GRXCR2: variants seen among roughly 807,000 people sequenced by gnomAD.
GRXCR2 encodes the protein glutaredoxin domain-containing cysteine-rich protein 2.
GRXCR2 carries 23 observed loss-of-function variants against 24.8 expected under a neutral mutation model. The ratio of observed to expected loss-of-function variants is 0.93; its 90% CI spans 0.67 to 1.32. The LOEUF (loss-of-function observed/expected upper bound fraction) is 1.32, where lower values mean the gene tolerates loss of function less well. Among genes scored for constraint, GRXCR2 ranks in the 40% most tolerant of loss-of-function variants. The pLI is 0.00. For missense variants in GRXCR2, 315 were observed against 303.4 expected (o/e 1.04, Z -0.28); for synonymous variants, 130 against 116.1 (o/e 1.12, Z -0.77).
intron 2 of GRXCR2, among the ~76,000 whole-genome samples, chr5:145,887,792 G>A (rs1756798187): frequency 6.6e-6 from 1 of 152,122 alleles, no homozygotes; most frequent in Non-Finnish European, 1.5e-5. Context: ...CCACCATTTT[G>A]TAAAAGTATT....
intron 2 of GRXCR2, among the ~76,000 whole-genome samples, chr5:145,910,729 T>C (rs1221269981): frequency 1.3e-5 from 2 of 152,184 alleles, no homozygotes; most frequent in Non-Finnish European, 2.9e-5. Context: ...GTAAGTGCTA[T>C]GAAGAAAACT....
chr5:145,862,086 G>A (rs555906245), intron 2 of GRXCR2, among the ~76,000 whole-genome samples: 80 of 152,240 alleles, frequency 5.3e-4, no homozygotes, highest in African/African-American at 1.9e-3. Context: ...AAGTTGCCAC[G>A]ATTCATTTCC....
intron 2 of GRXCR2, among the ~76,000 whole-genome samples, chr5:145,913,756 C>G (rs1757197218): frequency 6.6e-6 from 1 of 152,046 alleles, no homozygotes; most frequent in Admixed American, 6.5e-5. Context: ...CTCCTGGGCT[C>G]AAGTGATCCG....
upstream of GRXCR2, chr5:145,873,089 G>T: frequency 4.0e-6 from 3 of 755,602 alleles, no homozygotes; most frequent in Non-Finnish European, 4.3e-6. Flanking sequence ...TTGTTGCTGG[G>T]GTATGGTCAG....
At chr5:145,930,436 T>C (rs569599422) in intron 2 of GRXCR2, among the ~76,000 whole-genome samples, 1 of 152,328 alleles carries the variant, frequency 6.6e-6, no homozygotes, top group African/African-American at 2.4e-5. Flanking sequence ...CAATAGCATT[T>C]AACTGGGATT....
intron 2 of GRXCR2, among the ~76,000 whole-genome samples, chr5:145,926,259 T>C (rs73310117): frequency 0.014 from 2,089 of 152,262 alleles, 61 homozygotes; most frequent in African/African-American, 0.048. Flanking sequence ...ATGGCTATCT[T>C]ATCAACTGTA....
chr5:145,918,523 G>A (rs1003456627), intron 2 of GRXCR2, among the ~76,000 whole-genome samples: 5 of 152,218 alleles, frequency 3.3e-5, no homozygotes, highest in African/African-American at 4.8e-5. Flanking sequence ...ACTCACAGCA[G>A]AGACTGCCCA....
At chr5:145,911,644 T>A (rs1232243575) in intron 2 of GRXCR2, among the ~76,000 whole-genome samples, 1 of 152,154 alleles carries the variant, frequency 6.6e-6, no homozygotes. Context: ...TTGGTCAAAG[T>A]CCATTTCTGA....
In GRXCR2 at chr5:145,872,757, G is replaced by C. The variant is rs778357933; in HGVS notation, c.212C>G (p.Pro71Arg). 7 of 1,613,906 alleles carry C rather than the reference G, an allele frequency of 4.3e-6. No individual in the cohort carries two copies. The African/African-American group carries it at 8.0e-5, about 18-fold the overall frequency. Residue 71 changes from proline (P) to arginine (R), a missense_variant, in exon 1 of 3, where the codon CCC (proline) becomes CGC (arginine). Pro to Arg is a moderately radical substitution (Grantham distance 103). Transcript: ENST00000377976. Reference protein sequence around the residue: ...MDGVYGSGEVPRPQMCSPKLT... With the variant: ...MDGVYGSGEVRRPQMCSPKLT... ...CTTAGGGGAGCACATCTGGGGCCTGGGGACTTCCCCAGACCCATAAACACC... is the reference window on the plus strand; with the variant it reads ...CTTAGGGGAGCACATCTGGGGCCTGCGGACTTCCCCAGACCCATAAACACC...
chr5:145,903,514 G>C (rs1581349007), intron 2 of GRXCR2, among the ~76,000 whole-genome samples: 1 of 124,768 alleles, frequency 8.0e-6, no homozygotes, highest in East Asian at 2.4e-4. Flanking sequence ...GTGGAAAGAA[G>C]ATTTGATTCA....
intron 2 of GRXCR2, among the ~76,000 whole-genome samples, chr5:145,892,476 C>T (rs1756882426): frequency 6.6e-6 from 1 of 152,150 alleles, no homozygotes; most frequent in African/African-American, 2.4e-5. Flanking sequence ...ACGAGAACTA[C>T]ATGACGAATG....
Position 145,869,184 on chromosome 5 carries a change from AT to A in GRXCR2, c.337-2457del, listed in dbSNP as rs1315517624. On this transcript the variant is annotated intron_variant, in intron 1 of 2. Coordinates refer to ENST00000377976, the MANE Select transcript of GRXCR2 (RefSeq NM_001080516.2). The stretch of plus-strand genomic sequence containing the variant: ...ATAGACAGACCTGAGTTCAGATTGT[AT>A]TAAAATGTTGTTTGACAACTGTATG... Among the ~76,000 whole-genome samples, 12 of 152,234 alleles carry A rather than the reference AT, an allele frequency of 7.9e-5. 1 individual carries two copies. The highest frequency in any genetic ancestry group is 7.2e-4 in the Admixed American group (11 of 15,282).
At chr5:145,920,481 C>T (rs1757307265) in intron 2 of GRXCR2, among the ~76,000 whole-genome samples, 2 of 152,178 alleles carry the variant, frequency 1.3e-5, no homozygotes, top group South Asian at 4.1e-4. Context: ...TTATTGTTTT[C>T]ATTTTATAGA....
chr5:145,891,942 A>T (rs992647963), intron 2 of GRXCR2, among the ~76,000 whole-genome samples: 2 of 152,152 alleles, frequency 1.3e-5, no homozygotes, highest in Non-Finnish European at 2.9e-5. Context: ...AAACTTCCAG[A>T]GGAACGATCA....
upstream of GRXCR2, among the ~76,000 whole-genome samples, chr5:145,877,343 T>C (rs1246643543): frequency 2.0e-5 from 3 of 149,888 alleles, no homozygotes; most frequent in Admixed American, 6.6e-5. Flanking sequence ...TGATACTACC[T>C]CTTCACTATT....
intron 2 of GRXCR2, among the ~76,000 whole-genome samples, chr5:145,925,037 C>T (rs1757372057): frequency 6.6e-6 from 1 of 152,188 alleles, no homozygotes; most frequent in Non-Finnish European, 1.5e-5. Flanking sequence ...CTTTACTGAG[C>T]ACTTACTCCT....
At chr5:145,861,706 A>G (rs1312177740) in intron 2 of GRXCR2, among the ~76,000 whole-genome samples, 2 of 152,180 alleles carry the variant, frequency 1.3e-5, no homozygotes, top group African/African-American at 2.4e-5. Context: ...GAACAATAAT[A>G]TCTGGAGAAC....
chr5:145,931,186 C>G (rs1757472496), intron 2 of GRXCR2, among the ~76,000 whole-genome samples: 3 of 152,134 alleles, frequency 2.0e-5, no homozygotes, highest in African/African-American at 7.2e-5. Context: ...CATGTGCCAC[C>G]ATACTCAGTT....
At chr5:145,875,839 A>G (rs747255363), upstream of GRXCR2, among the ~76,000 whole-genome samples, 35 of 152,132 alleles carry the variant, frequency 2.3e-4, no homozygotes, top group Non-Finnish European at 4.1e-4. Context: ...CCCCAGGACT[A>G]CATTAGCCTT....
Sources: gnomAD v4.1 joint callset for allele counts (sites outside exome capture counted in the v4.1 genomes callset) on GRCh38, gnomAD v4.1.1 for gene constraint, MANE v1.5 for transcripts, NCBI Gene and HGNC (gene_info 2026-07-23, HGNC 2026-07-21) for gene names.